UGT1A10: variants seen among roughly 807,000 people sequenced by gnomAD.
The protein encoded by UGT1A10 is UDP glucuronosyltransferase family 1 member A10.
UGT1A10 carries 49 observed loss-of-function variants against 45.8 expected under a neutral mutation model. That is an observed-to-expected ratio of 1.07 (90% CI 0.85 to 1.36). The LOEUF is 1.36. UGT1A10 is among the 40% of genes most tolerant of loss of function. The pLI is 0.00. For synonymous variants in UGT1A10, 284 were observed against 249.7 expected (o/e 1.14, Z -1.29); for missense variants, 745 against 668.6 (o/e 1.11, Z -1.26).
intron 1 of UGT1A10, among the ~76,000 whole-genome samples, chr2:233,651,196 C>A (rs879347506): frequency 6.6e-6 from 1 of 152,060 alleles, no homozygotes; most frequent in African/African-American, 2.4e-5. Context: ...GTTACAGCAC[C>A]AAGCACCACC....
At chr2:233,637,969 G>T (rs1054496164) in intron 1 of UGT1A10, among the ~76,000 whole-genome samples, 1 of 151,742 alleles carries the variant, frequency 6.6e-6, no homozygotes, top group Non-Finnish European at 1.5e-5. Context: ...AATTAATATT[G>T]ATATATATAT....
At chr2:233,768,093 C>T in intron 3 of UGT1A10, 127 bp from the exon 4 acceptor site, 1 of 1,591,452 alleles carries the variant, frequency 6.3e-7, no homozygotes, top group Non-Finnish European at 8.6e-7. Context: ...CCCACATTTT[C>T]TTCTGCAAAT....
intron 1 of UGT1A10, among the ~76,000 whole-genome samples, chr2:233,757,752 A>G (rs979747575): frequency 2.0e-5 from 3 of 151,642 alleles, no homozygotes; most frequent in African/African-American, 7.3e-5. Flanking sequence ...GGACATGTTT[A>G]TGTTGCTCCT....
At chr2:233,656,305 A>G (rs966824265) in intron 1 of UGT1A10, among the ~76,000 whole-genome samples, 3 of 152,212 alleles carry the variant, frequency 2.0e-5, no homozygotes, top group Non-Finnish European at 4.4e-5. Flanking sequence ...GTCTCCGTAA[A>G]CTGGCCAGAA....
rs574815522 is a variant in UGT1A10 at position 233,710,585 on chromosome 2, C to T, written c.856-56449C>T. ...TAAAAGGTGCCCTTTCAAAATCTTC[C>T]GCACACCTTTATTGGTTTGTTTGTC... On this transcript the variant is annotated intron_variant, in intron 1 of 4. Transcript: ENST00000344644. Among the ~76,000 whole-genome samples, 12 of 152,214 alleles carry T rather than the reference C, an allele frequency of 7.9e-5. No homozygotes were observed. The South Asian group carries it at 1.7e-3, about 21-fold the overall frequency.
intron 1 of UGT1A10, among the ~76,000 whole-genome samples, chr2:233,756,690 C>T (rs1266086020): frequency 6.6e-6 from 1 of 152,102 alleles, no homozygotes; most frequent in Non-Finnish European, 1.5e-5. Flanking sequence ...TATATAATGA[C>T]GATGAATTTT....
chr2:233,712,916 G>T (rs2076260625), intron 1 of UGT1A10: 4 of 1,611,516 alleles, frequency 2.5e-6, no homozygotes, highest in Non-Finnish European at 3.4e-6. Context: ...CAGTGACAAG[G>T]TAATTAAGAC....
intron 1 of UGT1A10, among the ~76,000 whole-genome samples, chr2:233,721,122 T>G (rs2076922225): frequency 6.6e-6 from 1 of 152,196 alleles, no homozygotes; most frequent in Admixed American, 6.5e-5. Context: ...GTACTTCTTT[T>G]TATTAGTGTA....
At chr2:233,674,615 A>G (rs911623859) in intron 1 of UGT1A10, among the ~76,000 whole-genome samples, 2 of 151,090 alleles carry the variant, frequency 1.3e-5, no homozygotes, top group Non-Finnish European at 2.9e-5. Flanking sequence ...ACATCAAACT[A>G]TATATGGTTT....
chr2:233,760,258 G>T (rs1164776908), intron 1 of UGT1A10: 1 of 1,611,202 alleles, frequency 6.2e-7, no homozygotes, highest in South Asian at 1.1e-5. Flanking sequence ...AAGTAGGAGA[G>T]GGCGAACCTC....
At chr2:233,673,430 C>T (rs1163384420) in intron 1 of UGT1A10, among the ~76,000 whole-genome samples, 1 of 152,006 alleles carries the variant, frequency 6.6e-6, no homozygotes, top group Non-Finnish European at 1.5e-5. Context: ...TGAATAGGGC[C>T]GTGTAAACAC....
chr2:233,690,548 T>A (rs1269905198), intron 1 of UGT1A10: 1 of 1,289,538 alleles, frequency 7.8e-7, no homozygotes, highest in Non-Finnish European at 1.0e-6. Flanking sequence ...CACTGGAATA[T>A]GTCCCAAGCC....
At chr2:233,693,500 CCA>C in intron 1 of UGT1A10, 1 of 1,614,174 alleles carries the variant, frequency 6.2e-7, no homozygotes, top group Non-Finnish European at 8.5e-7. Flanking sequence ...TTTGGGCCTA[CCA>C]TCTGTGTACC....
At chr2:233,761,926 C>A (rs986768651) in intron 1 of UGT1A10, among the ~76,000 whole-genome samples, 4 of 152,226 alleles carry the variant, frequency 2.6e-5, no homozygotes, top group Admixed American at 1.3e-4. Context: ...GCAGCCCAGG[C>A]ACTTCCCAGG....
intron 1 of UGT1A10, chr2:233,755,020 T>G (rs552495015): frequency 7.7e-7 from 1 of 1,304,796 alleles, no homozygotes; most frequent in African/African-American, 1.5e-5. Context: ...AAGGGGTCCT[T>G]GAAGGGCCTG....
chr2:233,659,156 A>G (rs2073915424), intron 1 of UGT1A10, among the ~76,000 whole-genome samples: 1 of 152,160 alleles, frequency 6.6e-6, no homozygotes, highest in Admixed American at 6.5e-5. Context: ...TTTATCCCTA[A>G]GTATTTCATG....
intron 1 of UGT1A10, among the ~76,000 whole-genome samples, chr2:233,756,629 A>G (rs1696275606): frequency 6.6e-6 from 1 of 152,204 alleles, no homozygotes; most frequent in South Asian, 2.1e-4. Flanking sequence ...GGCCGTGTGT[A>G]TAGCACTGGG....
intron 1 of UGT1A10, among the ~76,000 whole-genome samples, chr2:233,640,227 A>G (rs1459615770): frequency 1.3e-5 from 2 of 152,220 alleles, no homozygotes; most frequent in East Asian, 1.9e-4. Context: ...TGAAAAGACT[A>G]TAGTGTAATG....
Position 233,739,559 on chromosome 2 carries a change from G to A in UGT1A10, c.856-27475G>A, listed in dbSNP as rs1322307786. On this transcript the variant is annotated intron_variant, in intron 1 of 4. Coordinates refer to ENST00000344644, the MANE Select transcript of UGT1A10 (RefSeq NM_019075.4). ...TTTGGAGCTTTAAGATTTAATGACTGCCCTGCCTGGTTTTGGACTTGCATG... is the reference window on the plus strand; with the variant it reads ...TTTGGAGCTTTAAGATTTAATGACTACCCTGCCTGGTTTTGGACTTGCATG... 2.6e-5 allele frequency among the ~76,000 whole-genome samples: 4 copies of A among 152,224 alleles called. No homozygotes were observed. In the South Asian group the frequency reaches 8.3e-4, roughly 31 times the overall value.
Sources: allele counts gnomAD v4.1 joint callset (sites outside exome capture counted in the v4.1 genomes callset), GRCh38; gene constraint gnomAD v4.1.1; transcripts MANE v1.5; gene names NCBI Gene and HGNC (gene_info 2026-07-23, HGNC 2026-07-21).